BRINP3: variants seen among roughly 807,000 people sequenced by gnomAD.
The protein encoded by BRINP3 is BMP/retinoic acid-inducible neural-specific protein 3.
BRINP3 carries 19 observed loss-of-function variants against 71.0 expected under a neutral mutation model. The observed-to-expected ratio is 0.27, with a 90% confidence interval of 0.19 to 0.39. The LOEUF (loss-of-function observed/expected upper bound fraction) is 0.39, where lower values mean the gene tolerates loss of function less well. BRINP3 is among the 10% of genes least tolerant of loss of function. The probability of loss-of-function intolerance (pLI) is 1.00; values close to 1 mark genes in which losing one functional copy is unlikely to be tolerated. For synonymous variants in BRINP3, 380 were observed against 337.7 expected (o/e 1.13, Z -1.37); for missense variants, 959 against 940.8 (o/e 1.02, Z -0.25).
chr1:190,350,042 A>C (rs1345858594), intron 2 of BRINP3, among the ~76,000 whole-genome samples: 1 of 152,122 alleles, frequency 6.6e-6, no homozygotes, highest in African/African-American at 2.4e-5. Context: ...AGAGGCCAGA[A>C]TTAACATTAG....
chr1:190,457,287 T>C (rs1478670387), intron 1 of BRINP3, among the ~76,000 whole-genome samples: 1 of 151,808 alleles, frequency 6.6e-6, no homozygotes, highest in African/African-American at 2.4e-5. Flanking sequence ...ACTAAAAATA[T>C]ACAAAAATTA....
intron 4 of BRINP3, among the ~76,000 whole-genome samples, chr1:190,251,451 C>T (rs1289309993): frequency 1.3e-5 from 2 of 151,838 alleles, no homozygotes; most frequent in African/African-American, 4.8e-5. Flanking sequence ...ACAATCAATA[C>T]GTAGTGATAT....
intron 7 of BRINP3, among the ~76,000 whole-genome samples, chr1:190,134,709 G>T (rs769203546): frequency 6.6e-6 from 1 of 152,108 alleles, no homozygotes; most frequent in Non-Finnish European, 1.5e-5. Context: ...AAATAAAATT[G>T]CATGATCTGA....
chr1:190,290,047 C>T (rs977370967), intron 2 of BRINP3, among the ~76,000 whole-genome samples: 2 of 151,862 alleles, frequency 1.3e-5, no homozygotes, highest in African/African-American at 4.8e-5. Context: ...GAAATAGCTA[C>T]CTAAGTATGA....
At chr1:190,371,965 A>C (rs750913819) in intron 2 of BRINP3, among the ~76,000 whole-genome samples, 1 of 152,104 alleles carries the variant, frequency 6.6e-6, no homozygotes, top group Non-Finnish European at 1.5e-5. Context: ...TCATAACCTC[A>C]TCAATGTTAA....
intron 7 of BRINP3, among the ~76,000 whole-genome samples, chr1:190,099,368 A>T (rs1265518326): frequency 2.0e-5 from 3 of 152,122 alleles, no homozygotes; most frequent in Admixed American, 2.0e-4. Flanking sequence ...TGCACAAAAC[A>T]AGATTAGAGC....
At chr1:190,142,015 A>C in intron 7 of BRINP3, among the ~76,000 whole-genome samples, 1 of 152,296 alleles carries the variant, frequency 6.6e-6, no homozygotes, top group Admixed American at 6.5e-5. Context: ...AAAAACATAT[A>C]TAAAATAAAA....
intron 7 of BRINP3, among the ~76,000 whole-genome samples, chr1:190,150,197 T>G (rs531926770): frequency 2.6e-5 from 4 of 152,122 alleles, no homozygotes; most frequent in Non-Finnish European, 5.9e-5. Context: ...TTCAGTCATA[T>G]GCCATTTTAA....
At chr1:190,106,726 AC>A (rs1652202123) in intron 7 of BRINP3, among the ~76,000 whole-genome samples, 1 of 151,634 alleles carries the variant, frequency 6.6e-6, no homozygotes, top group Admixed American at 6.6e-5. Flanking sequence ...ATGATTTAAT[AC>A]TTTTTTCTTA....
At chr1:190,325,062 G>GAA (rs1666490062) in intron 2 of BRINP3, among the ~76,000 whole-genome samples, 3 of 151,892 alleles carry the variant, frequency 2.0e-5, no homozygotes, top group African/African-American at 7.2e-5. Flanking sequence ...TAAATAATCG[G>GAA]CAGCATAGTA....
At chr1:190,226,846 T>TCC (rs1657430697) in intron 5 of BRINP3, among the ~76,000 whole-genome samples, 1 of 151,956 alleles carries the variant, frequency 6.6e-6, no homozygotes, top group South Asian at 2.1e-4. Context: ...ATTCTATTTT[T>TCC]CAAGAGTGAG....
chr1:190,106,669 T>C (rs1437292423), intron 7 of BRINP3, among the ~76,000 whole-genome samples: 1 of 151,460 alleles, frequency 6.6e-6, no homozygotes, highest in African/African-American at 2.4e-5. Flanking sequence ...TATATTTATT[T>C]ATTATTATTT....
chr1:190,253,706 T>C (rs1308611065), intron 4 of BRINP3, among the ~76,000 whole-genome samples: 1 of 152,166 alleles, frequency 6.6e-6, no homozygotes, highest in African/African-American at 2.4e-5. Context: ...ATTGCAAAAA[T>C]TTTCTCCCAT....
intron 2 of BRINP3, among the ~76,000 whole-genome samples, chr1:190,452,106 T>C (rs1298835367): frequency 6.6e-6 from 1 of 151,868 alleles, no homozygotes; most frequent in Non-Finnish European, 1.5e-5. Flanking sequence ...TAATTTTCCA[T>C]CTATGTGTTT....
intron 2 of BRINP3, among the ~76,000 whole-genome samples, chr1:190,390,798 GTA>G (rs1165080538): frequency 6.6e-6 from 1 of 151,792 alleles, no homozygotes; most frequent in Admixed American, 6.6e-5. Context: ...AAAAGAATGA[GTA>G]TAGAGAAATT....
At chr1:190,309,949 C>T (rs976356923) in intron 2 of BRINP3, among the ~76,000 whole-genome samples, 3 of 151,636 alleles carry the variant, frequency 2.0e-5, no homozygotes, top group African/African-American at 7.3e-5. Context: ...GTTTTGGAAA[C>T]TTCAATTACC....
At chr1:190,439,259 G>C (rs1002040122) in intron 2 of BRINP3, among the ~76,000 whole-genome samples, 2 of 151,806 alleles carry the variant, frequency 1.3e-5, no homozygotes, top group African/African-American at 4.8e-5. Flanking sequence ...ATGTTCATAT[G>C]AATAGTAGAA....
At chr1:190,462,937 G>A (rs1274830233) in intron 1 of BRINP3, among the ~76,000 whole-genome samples, 2 of 151,916 alleles carry the variant, frequency 1.3e-5, no homozygotes, top group East Asian at 3.8e-4. Flanking sequence ...TTTTCATTGA[G>A]TGTTTGCTTT....
At chr1:190,475,605 CG>C (rs1374303102) in intron 1 of BRINP3, among the ~76,000 whole-genome samples, 1 of 152,170 alleles carries the variant, frequency 6.6e-6, no homozygotes, top group African/African-American at 2.4e-5. Flanking sequence ...TGCTCTCCTC[CG>C]TTCCCTGAGC....
Sources: gnomAD v4.1 joint callset for allele counts (sites outside exome capture counted in the v4.1 genomes callset) on GRCh38, gnomAD v4.1.1 for gene constraint, MANE v1.5 for transcripts, NCBI Gene and HGNC (gene_info 2026-07-23, HGNC 2026-07-21) for gene names.